The following PPM1B variants were observed in gnomAD, a reference collection of about 807,000 sequenced individuals.
PPM1B encodes the protein protein phosphatase 1B.
Under a neutral mutation model 43.0 loss-of-function variants are expected in PPM1B, and 22 were observed. That is an observed-to-expected ratio of 0.51 (90% CI 0.37 to 0.73). PPM1B has a LOEUF of 0.73. PPM1B is among the 30% of genes least tolerant of loss of function. The pLI is 0.00. For missense variants in PPM1B, 632 were observed against 584.2 expected (o/e 1.08, Z -0.84); for synonymous variants, 217 against 197.9 (o/e 1.10, Z -0.81).
rs560396807 is a variant in PPM1B at position 44,193,940 on chromosome 2, C to T, written c.-14-7246C>T. ...TGTTGTCCAGGCTGGTCTCGAGCTA[C>T]TGGCCTCAAGCAATCCTCCTACCTT... On this transcript the variant is annotated intron_variant, in intron 1 of 5. Coordinates refer to ENST00000282412, the MANE Select transcript of PPM1B (RefSeq NM_002706.6). 3.3e-5 allele frequency among the ~76,000 whole-genome samples: 5 copies of T among 152,256 alleles called. No homozygotes were observed. The South Asian group carries it at 1.0e-3, about 32-fold the overall frequency.
chr2:44,202,502 GACAAAAA>G (rs1239663050), intron 2 of PPM1B, among the ~76,000 whole-genome samples: 1 of 152,142 alleles, frequency 6.6e-6, no homozygotes, highest in African/African-American at 2.4e-5. Context: ...TAGCAGTGAA[GACAAAAA>G]CTGAAATAAA....
At chr2:44,210,604 T>C (rs187569660) in intron 3 of PPM1B, among the ~76,000 whole-genome samples, 10 of 152,244 alleles carry the variant, frequency 6.6e-5, no homozygotes, top group Admixed American at 6.5e-4. Flanking sequence ...AGATTCCTTA[T>C]TTGTTTATGT....
intron 3 of PPM1B, among the ~76,000 whole-genome samples, chr2:44,215,909 A>C (rs1669697461): frequency 1.3e-5 from 2 of 152,322 alleles, no homozygotes; most frequent in African/African-American, 4.8e-5. Flanking sequence ...TGGAGAGAGA[A>C]TATCTGAGGG....
intron 5 of PPM1B, among the ~76,000 whole-genome samples, chr2:44,242,994 A>G (rs1252600436): frequency 6.6e-6 from 1 of 152,222 alleles, no homozygotes; most frequent in Non-Finnish European, 1.5e-5. Context: ...ACCAAAGGAC[A>G]TCTAGCCATA....
At chr2:44,236,384 CAG>C (rs1478482815), downstream of PPM1B, among the ~76,000 whole-genome samples, 11 of 74,170 alleles carry the variant, frequency 1.5e-4, no homozygotes, top group African/African-American at 4.2e-4. Context: ...GCCTGGGCGA[CAG>C]AGGGAGACTC....
intron 5 of PPM1B, among the ~76,000 whole-genome samples, chr2:44,224,380 G>A (rs10445927): frequency 0.24 from 36,403 of 150,170 alleles, 5,345 homozygotes; most frequent in African/African-American, 0.42. Context: ...GCGTGAACCC[G>A]GGAGGCAGAG....
At chr2:44,223,497 A>G (rs528905532) in intron 5 of PPM1B, among the ~76,000 whole-genome samples, 77 of 152,194 alleles carry the variant, frequency 5.1e-4, no homozygotes, top group African/African-American at 1.8e-3. Flanking sequence ...AAGCATTGCT[A>G]TGGAGAAGAC....
intron 1 of PPM1B, among the ~76,000 whole-genome samples, chr2:44,171,917 A>G (rs1000669226): frequency 8.6e-5 from 13 of 152,022 alleles, no homozygotes; most frequent in Non-Finnish European, 4.4e-5. Flanking sequence ...TACCTAGCAT[A>G]GAAAGTAGTT....
chr2:44,242,898 T>C (rs1245700666), intron 5 of PPM1B, among the ~76,000 whole-genome samples: 3 of 152,202 alleles, frequency 2.0e-5, no homozygotes, highest in Non-Finnish European at 4.4e-5. Flanking sequence ...TTTTCCTGAG[T>C]TCGCCATTTG....
chr2:44,224,666 T>C (rs1382726729), intron 5 of PPM1B, among the ~76,000 whole-genome samples: 1 of 148,484 alleles, frequency 6.7e-6, no homozygotes, highest in Non-Finnish European at 1.5e-5. Context: ...GATTCGACTT[T>C]TAAGCTATGT....
intron 1 of PPM1B, among the ~76,000 whole-genome samples, chr2:44,170,499 C>T (rs529425912): frequency 1.3e-5 from 2 of 152,332 alleles, no homozygotes; most frequent in East Asian, 3.9e-4. Context: ...GTGGGATTAA[C>T]ACAGGAACTG....
At chr2:44,185,262 G>A (rs557715056) in intron 1 of PPM1B, among the ~76,000 whole-genome samples, 1 of 152,216 alleles carries the variant, frequency 6.6e-6, no homozygotes, top group Admixed American at 6.5e-5. Context: ...GACAAGTGAC[G>A]TTAAATTAAT....
chr2:44,170,446 A>G (rs892719705), intron 1 of PPM1B, among the ~76,000 whole-genome samples: 16 of 152,224 alleles, frequency 1.1e-4, no homozygotes, highest in African/African-American at 3.9e-4. Context: ...TCTGTTAACA[A>G]ACGTTTACAA....
intron 1 of PPM1B, among the ~76,000 whole-genome samples, chr2:44,183,849 C>T (rs1343304032): frequency 6.6e-6 from 1 of 152,166 alleles, no homozygotes; most frequent in African/African-American, 2.4e-5. Context: ...CACCATTCTC[C>T]TGCCTCAGCC....
chr2:44,203,692 T>C (rs754625772), intron 2 of PPM1B, among the ~76,000 whole-genome samples: 3 of 152,186 alleles, frequency 2.0e-5, no homozygotes, highest in African/African-American at 2.4e-5. Flanking sequence ...CAACAATATA[T>C]TGTAGAGAGA....
intron 2 of PPM1B, among the ~76,000 whole-genome samples, chr2:44,208,635 C>T (rs2104170402): frequency 6.6e-6 from 1 of 152,264 alleles, no homozygotes; most frequent in East Asian, 1.9e-4. Context: ...ATTGCTTGAA[C>T]CTGGGAGGCG....
chr2:44,232,892 C>T (rs1182449807), downstream of PPM1B: 3 of 971,070 alleles, frequency 3.1e-6, no homozygotes, highest in African/African-American at 5.3e-5. Flanking sequence ...CCTGTATTAC[C>T]AAACTGGGTT....
intron 5 of PPM1B, among the ~76,000 whole-genome samples, chr2:44,225,922 C>T (rs995903531): frequency 6.6e-6 from 1 of 151,564 alleles, no homozygotes; most frequent in Non-Finnish European, 1.5e-5. Context: ...TCCAAAAGTA[C>T]TGGGATTACA....
chr2:44,206,703 A>G (rs1669207156), intron 2 of PPM1B, among the ~76,000 whole-genome samples: 1 of 151,930 alleles, frequency 6.6e-6, no homozygotes, highest in African/African-American at 2.4e-5. Flanking sequence ...ATTGCTTTAT[A>G]AAGTGTAATT....
Sources: allele counts gnomAD v4.1 joint callset (sites outside exome capture counted in the v4.1 genomes callset), GRCh38; gene constraint gnomAD v4.1.1; transcripts MANE v1.5; gene names NCBI Gene and HGNC (gene_info 2026-07-23, HGNC 2026-07-21).